PTPRQ: variants seen among roughly 807,000 people sequenced by gnomAD.
PTPRQ encodes protein tyrosine phosphatase receptor type Q.
PTPRQ carries 199 observed loss-of-function variants against 246.0 expected under a neutral mutation model. The observed-to-expected ratio is 0.81, with a 90% CI of 0.72 to 0.91. The LOEUF (loss-of-function observed/expected upper bound fraction) is 0.91. Among genes scored for constraint, PTPRQ ranks in the 40% least tolerant of loss-of-function variants. The pLI is 0.00. For missense variants in PTPRQ, 2,624 were observed against 2,528.4 expected (o/e 1.04, Z -0.81); for synonymous variants, 869 against 853.2 (o/e 1.02, Z -0.32).
chr12:80,600,398 A>G (rs528138041), intron 26 of PTPRQ, among the ~76,000 whole-genome samples: 1 of 151,890 alleles, frequency 6.6e-6, no homozygotes, highest in African/African-American at 2.4e-5. Context: ...GAGCTGGCAT[A>G]CAGACACACT....
chr12:80,590,573 C>A (rs1423514537), intron 26 of PTPRQ, among the ~76,000 whole-genome samples: 1 of 145,970 alleles, frequency 6.9e-6, no homozygotes, highest in Admixed American at 7.3e-5. Context: ...GAGGCTGAGG[C>A]AGGAGAATGG....
At chr12:80,494,545 A>T (rs1331545731) in intron 10 of PTPRQ, among the ~76,000 whole-genome samples, 1 of 151,986 alleles carries the variant, frequency 6.6e-6, no homozygotes, top group Non-Finnish European at 1.5e-5. Flanking sequence ...GTATTGATTT[A>T]TAATATTTCA....
At chr12:80,544,679 T>C (rs1443273074) in intron 23 of PTPRQ, among the ~76,000 whole-genome samples, 1 of 152,134 alleles carries the variant, frequency 6.6e-6, no homozygotes, top group African/African-American at 2.4e-5. Context: ...CTAGTTACTA[T>C]ATCTGCTTTC....
intron 43 of PTPRQ, among the ~76,000 whole-genome samples, chr12:80,676,380 T>C (rs918448734): frequency 6.6e-6 from 1 of 152,166 alleles, no homozygotes; most frequent in Non-Finnish European, 1.5e-5. Context: ...CGGTGGCTTA[T>C]GCCTGTAATC....
intron 23 of PTPRQ, among the ~76,000 whole-genome samples, chr12:80,545,157 T>A (rs1896266761): frequency 6.6e-6 from 1 of 152,124 alleles, no homozygotes; most frequent in African/African-American, 2.4e-5. Context: ...GTTTAATTTT[T>A]TCTCATTCAG....
At chr12:80,448,950 A>G (rs1293212546) in intron 3 of PTPRQ, among the ~76,000 whole-genome samples, 2 of 149,710 alleles carry the variant, frequency 1.3e-5, no homozygotes, top group African/African-American at 2.4e-5. Context: ...GAATCGCCAC[A>G]CTGACTTCCA....
intron 7 of PTPRQ, among the ~76,000 whole-genome samples, chr12:80,470,089 A>G (rs922472489): frequency 6.6e-6 from 1 of 152,230 alleles, no homozygotes; most frequent in African/African-American, 2.4e-5. Flanking sequence ...TCTCTTCAGT[A>G]AGAACATATA....
Position 80,542,802 on chromosome 12 carries a change from C to T in PTPRQ, c.3794C>T (p.Pro1265Leu). The change falls in exon 23 of 45, where the codon CCA becomes CTA. Residue 1265 changes from proline to leucine, a missense_variant. Pro to Leu is a moderately conservative substitution (Grantham distance 98). Transcript: ENST00000644991. The stretch of plus-strand genomic sequence containing the variant: ...GACTTTGTATGGCTGAAATGGAGCC[C>T]AAGTCCTCTTCCAGGTGGTATTGTT... ...TSDFVWLKWS[P>L]SPLPGGIVKV... 1 of 1,548,730 alleles carries T rather than the reference C, an allele frequency of 6.5e-7. No homozygotes were observed. The highest frequency in any genetic ancestry group is 2.0e-5 in the Admixed American group (1 of 50,660).
At chr12:80,540,319 C>T (rs1896114977) in intron 20 of PTPRQ, among the ~76,000 whole-genome samples, 1 of 152,040 alleles carries the variant, frequency 6.6e-6, no homozygotes, top group Non-Finnish European at 1.5e-5. Flanking sequence ...TTTGAATCTA[C>T]ACAGGACTCT....
At chr12:80,514,668 G>T in intron 17 of PTPRQ, among the ~76,000 whole-genome samples, 2 of 138,644 alleles carry the variant, frequency 1.4e-5, no homozygotes, top group African/African-American at 2.6e-5. Context: ...ATATATATTT[G>T]TATAATATAT....
intron 14 of PTPRQ, among the ~76,000 whole-genome samples, chr12:80,498,153 G>T (rs1015938242): frequency 7.9e-5 from 12 of 151,964 alleles, no homozygotes; most frequent in African/African-American, 2.9e-4. Flanking sequence ...TGCTTTTGTA[G>T]ATATTGTACC....
intron 33 of PTPRQ, among the ~76,000 whole-genome samples, chr12:80,630,810 G>A (rs1292935732): frequency 6.6e-6 from 1 of 152,078 alleles, no homozygotes; most frequent in East Asian, 1.9e-4. Flanking sequence ...TCCACCTTCC[G>A]ATTTCAAGCT....
chr12:80,593,218 G>A (rs1356702131), intron 26 of PTPRQ, among the ~76,000 whole-genome samples: 8 of 152,066 alleles, frequency 5.3e-5, no homozygotes, highest in East Asian at 1.9e-4. Flanking sequence ...TCTCTATAAA[G>A]AGTTATTGAT....
At position 80,542,233 on chromosome 12, in the gene PTPRQ, T is replaced by C; in HGVS notation, c.3590T>C (p.Phe1197Ser). The C allele has an allele frequency of 6.4e-7, 1 of 1,550,970 alleles. No individual in the cohort carries two copies. The highest frequency in any genetic ancestry group is 8.7e-7 in the Non-Finnish European group (1 of 1,146,530). Residue 1197 changes from phenylalanine to serine, a missense_variant, in exon 22 of 45, where the codon TTC (phenylalanine) becomes TCC (serine). Transcript: ENST00000644991. ...CAAGGACCAAATGAAAATTATTCTT[T>C]CATTACTTCTGATAATTACATAATA... ...TLQGPNENYS[F>S]ITSDNYIILE... is the part of the protein sequence containing the mutation.
chr12:80,528,263 G>A (rs1895748391), intron 17 of PTPRQ, among the ~76,000 whole-genome samples: 1 of 152,066 alleles, frequency 6.6e-6, no homozygotes, highest in Admixed American at 6.6e-5. Flanking sequence ...GTTAATAATT[G>A]TATATTCCTC....
intron 8 of PTPRQ, among the ~76,000 whole-genome samples, chr12:80,475,270 T>A (rs1177073755): frequency 1.3e-5 from 2 of 152,152 alleles, no homozygotes; most frequent in Non-Finnish European, 2.9e-5. Flanking sequence ...TATAACACCT[T>A]CAAAATTAAA....
chr12:80,560,129 TG>T (rs1896781858), intron 25 of PTPRQ, among the ~76,000 whole-genome samples: 1 of 152,216 alleles, frequency 6.6e-6, no homozygotes, highest in Non-Finnish European at 1.5e-5. Flanking sequence ...GCCACTGGGA[TG>T]TGGCCTGGCC....
At chr12:80,554,119 C>T (rs1040145693) in intron 25 of PTPRQ, among the ~76,000 whole-genome samples, 5 of 151,980 alleles carry the variant, frequency 3.3e-5, no homozygotes, top group Middle Eastern at 3.2e-3. Context: ...GATACAAAAA[C>T]GCAGGTAGAA....
At chr12:80,458,790 T>G (rs1295536199) in intron 4 of PTPRQ, among the ~76,000 whole-genome samples, 1 of 152,110 alleles carries the variant, frequency 6.6e-6, no homozygotes, top group Non-Finnish European at 1.5e-5. Flanking sequence ...AATGAAATTC[T>G]GAAGTAAGTT....
Sources: allele counts gnomAD v4.1 joint callset (sites outside exome capture counted in the v4.1 genomes callset), GRCh38; gene constraint gnomAD v4.1.1; transcripts MANE v1.5; gene names NCBI Gene and HGNC (gene_info 2026-07-23, HGNC 2026-07-21).